The following NPAS3 variants were observed in gnomAD, a reference collection of about 807,000 sequenced individuals.
The protein encoded by NPAS3 is neuronal PAS domain-containing protein 3.
NPAS3 carries 14 observed loss-of-function variants against 73.1 expected under a neutral mutation model. The ratio of observed to expected loss-of-function variants is 0.19; its 90% CI spans 0.13 to 0.30. NPAS3 has a LOEUF of 0.30. Among genes scored for constraint, NPAS3 ranks in the 10% least tolerant of loss-of-function variants. The pLI is 1.00. For missense variants in NPAS3, 1,096 were observed against 1,250.0 expected, an observed-to-expected ratio of 0.88 and a Z score of 1.86; for synonymous variants, 620 against 541.5, an observed-to-expected ratio of 1.14 and a Z score of -2.01.
intron 7 of NPAS3, among the ~76,000 whole-genome samples, chr14:33,758,585 C>T (rs1441989492): frequency 1.3e-5 from 2 of 152,190 alleles, no homozygotes; most frequent in South Asian, 2.1e-4. Flanking sequence ...ATTTCTGTGT[C>T]CTCTAATGAA....
At chr14:33,244,653 G>C (rs1011272426) in intron 3 of NPAS3, among the ~76,000 whole-genome samples, 3 of 152,044 alleles carry the variant, frequency 2.0e-5, no homozygotes, top group Non-Finnish European at 4.4e-5. Flanking sequence ...AGGCTAAATG[G>C]CCTCTAAGTG....
At chr14:33,108,932 T>A (rs1469250620) in intron 2 of NPAS3, among the ~76,000 whole-genome samples, 3 of 152,188 alleles carry the variant, frequency 2.0e-5, no homozygotes, top group African/African-American at 7.2e-5. Context: ...TTTTATGTGA[T>A]CGCATCTAAC....
At chr14:32,957,132 T>G (rs1433232485) in intron 1 of NPAS3, among the ~76,000 whole-genome samples, 3 of 152,282 alleles carry the variant, frequency 2.0e-5, no homozygotes, top group African/African-American at 7.2e-5. Context: ...AAGATTGATC[T>G]TTTTTCTGAA....
chr14:33,634,474 G>A lies in NPAS3; in HGVS notation c.559-41737G>A, dbSNP rs139947132. Among the ~76,000 whole-genome samples the A allele has an allele frequency of 1.3e-3, 198 of 152,272 alleles. 1 individual carries two copies. Among genetic ancestry groups the A allele is most frequent in the Middle Eastern group, 0.01 (3 of 294 alleles). The stretch of plus-strand genomic sequence containing the variant: ...GATAGATTTTTGAAAGATGATGCTG[G>A]AACCAGTGAGATCATTTAGGGGCTG... On this transcript the variant is annotated intron_variant, in intron 5 of 11. Coordinates refer to ENST00000356141, the Ensembl canonical transcript of NPAS3.
At chr14:33,220,161 A>G (rs2047372279) in intron 3 of NPAS3, among the ~76,000 whole-genome samples, 1 of 152,174 alleles carries the variant, frequency 6.6e-6, no homozygotes, top group Non-Finnish European at 1.5e-5. Flanking sequence ...ACAGGGCTAG[A>G]CGAGTAGGGC....
intron 4 of NPAS3, among the ~76,000 whole-genome samples, chr14:33,435,149 A>C (rs1321932067): frequency 1.3e-5 from 2 of 152,236 alleles, no homozygotes; most frequent in African/African-American, 4.8e-5. Context: ...TCTACAAAAC[A>C]TTTGTCCAGT....
intron 2 of NPAS3, among the ~76,000 whole-genome samples, chr14:33,159,762 C>T (rs527463945): frequency 6.6e-6 from 1 of 152,152 alleles, no homozygotes; most frequent in Admixed American, 6.5e-5. Context: ...ACCGTGTTAG[C>T]CAGGATGGTC....
chr14:32,951,250 A>C (rs1168761691), intron 1 of NPAS3, among the ~76,000 whole-genome samples: 1 of 152,082 alleles, frequency 6.6e-6, no homozygotes, highest in Non-Finnish European at 1.5e-5. Flanking sequence ...TGTGATTTGA[A>C]TTATGTGGAT....
rs921151748 is a variant in NPAS3 at position 33,776,521 on chromosome 14, T to A, written c.1047-1945T>A. On this transcript the variant is annotated intron_variant, in intron 8 of 11. Coordinates refer to ENST00000356141, the Ensembl canonical transcript of NPAS3. ...CTGCTTTTGGCGTTTTTCTTCCTCT[T>A]AAAAAAAAAAAAAAAAAAAAAAAAA... is the stretch of plus-strand genomic sequence containing the variant. 3.1e-4 allele frequency among the ~76,000 whole-genome samples: 10 copies of A among 32,060 alleles called. No homozygotes were observed. The East Asian group carries it at 4.4e-3, about 14-fold the overall frequency. The allele number at this position is 32,060 out of a possible 152,430, so 21.0% of individuals were successfully genotyped here. A position where few individuals can be genotyped will look rare whatever the true frequency, so the allele number is the denominator to read the frequency against.
chr14:33,543,346 A>G (rs908065954), intron 4 of NPAS3, among the ~76,000 whole-genome samples: 3 of 152,200 alleles, frequency 2.0e-5, no homozygotes, highest in Non-Finnish European at 4.4e-5. Flanking sequence ...TTAGCAATAG[A>G]AGTATGTTGC....
At chr14:33,643,387 A>C (rs1352604625) in intron 5 of NPAS3, among the ~76,000 whole-genome samples, 1 of 146,974 alleles carries the variant, frequency 6.8e-6, no homozygotes, top group Non-Finnish European at 1.5e-5. Flanking sequence ...AAAAAAAAAA[A>C]AAAAAAAAAA....
chr14:33,538,049 C>A (rs1453840813), intron 4 of NPAS3, among the ~76,000 whole-genome samples: 1 of 152,162 alleles, frequency 6.6e-6, no homozygotes, highest in Non-Finnish European at 1.5e-5. Context: ...CCTGTGCAGA[C>A]CACTTTACAT....
intron 4 of NPAS3, among the ~76,000 whole-genome samples, chr14:33,549,670 T>C (rs1014702588): frequency 4.6e-5 from 7 of 152,234 alleles, no homozygotes; most frequent in African/African-American, 1.7e-4. Flanking sequence ...TTCCATGGTT[T>C]AGTTACATTC....
At chr14:33,335,250 G>T (rs757564184) in intron 3 of NPAS3, among the ~76,000 whole-genome samples, 1 of 152,124 alleles carries the variant, frequency 6.6e-6, no homozygotes, top group Non-Finnish European at 1.5e-5. Context: ...ACTAAAAGTA[G>T]ATTTACCATT....
intron 3 of NPAS3, among the ~76,000 whole-genome samples, chr14:33,307,435 A>AT (rs2042797489): frequency 6.6e-6 from 1 of 152,044 alleles, no homozygotes; most frequent in Non-Finnish European, 1.5e-5. Context: ...TTCTGGACTC[A>AT]TTTTTCCCCC....
chr14:33,203,549 C>T (rs2046704690), intron 2 of NPAS3, among the ~76,000 whole-genome samples: 1 of 152,074 alleles, frequency 6.6e-6, no homozygotes, highest in South Asian at 2.1e-4. Flanking sequence ...TCATTTCCCA[C>T]CTATGAGTGA....
chr14:33,663,135 C>T (rs910133964), intron 5 of NPAS3, among the ~76,000 whole-genome samples: 6 of 152,038 alleles, frequency 3.9e-5, no homozygotes, highest in Non-Finnish European at 8.8e-5. Context: ...GAGAGGGCAT[C>T]CTTGTCTTGT....
At chr14:33,686,769 C>T (rs2060100251) in intron 6 of NPAS3, among the ~76,000 whole-genome samples, 1 of 152,022 alleles carries the variant, frequency 6.6e-6, no homozygotes, top group Non-Finnish European at 1.5e-5. Flanking sequence ...CTCTAAATAG[C>T]CCATCTAAAA....
At chr14:33,422,587 T>G (rs910499514) in intron 4 of NPAS3, among the ~76,000 whole-genome samples, 1 of 152,064 alleles carries the variant, frequency 6.6e-6, no homozygotes, top group African/African-American at 2.4e-5. Flanking sequence ...ATATGTACCT[T>G]CTCCTACTAA....
Sources: gnomAD v4.1 joint callset for allele counts (sites outside exome capture counted in the v4.1 genomes callset) on GRCh38, gnomAD v4.1.1 for gene constraint, MANE v1.5 for transcripts, NCBI Gene and HGNC (gene_info 2026-07-23, HGNC 2026-07-21) for gene names.